The following KLRG1 variants were observed in gnomAD, a reference collection of about 807,000 sequenced individuals.
The protein encoded by KLRG1 is killer cell lectin like receptor G1.
Under a neutral mutation model 21.8 loss-of-function variants are expected in KLRG1, and 16 were observed. The observed-to-expected ratio is 0.73, with a 90% CI of 0.50 to 1.11. The LOEUF is 1.11. Among genes scored for constraint, KLRG1 ranks in the 50% most tolerant of loss-of-function variants. The pLI is 0.00. For synonymous variants in KLRG1, 69 were observed against 75.9 expected (o/e 0.91, Z 0.47); for missense variants, 173 against 218.3 (o/e 0.79, Z 1.31).
chr12:8,999,290 G>A (rs1186666794), intron 3 of KLRG1, among the ~76,000 whole-genome samples: 1 of 152,148 alleles, frequency 6.6e-6, no homozygotes, highest in Non-Finnish European at 1.5e-5. Context: ...TTATTGGTAT[G>A]TTATTTTAAA....
chr12:9,086,937 A>T, the KLRG1 span, among the ~76,000 whole-genome samples: 2 of 152,250 alleles, frequency 1.3e-5, no homozygotes, highest in South Asian at 4.1e-4. Context: ...AATGCAATAA[A>T]GTTGCAAGAT....
chr12:9,124,896 G>T, the KLRG1 span, among the ~76,000 whole-genome samples: 2 of 152,236 alleles, frequency 1.3e-5, no homozygotes, highest in Non-Finnish European at 2.9e-5. Flanking sequence ...CCTAGGACTT[G>T]TGGTGCCTCC....
the KLRG1 span, among the ~76,000 whole-genome samples, chr12:9,096,499 G>C: frequency 1.3e-5 from 2 of 152,136 alleles, no homozygotes; most frequent in Non-Finnish European, 2.9e-5. Context: ...CACAGGACAC[G>C]ATGGCATTTT....
chr12:9,149,317 C>T, the KLRG1 span, among the ~76,000 whole-genome samples: 4 of 152,176 alleles, frequency 2.6e-5, no homozygotes, highest in East Asian at 1.9e-4. Context: ...AGTGAAATGT[C>T]GCTTTTAGAG....
the KLRG1 span, among the ~76,000 whole-genome samples, chr12:9,125,418 C>G: frequency 3.9e-5 from 6 of 152,084 alleles, no homozygotes; most frequent in Non-Finnish European, 8.8e-5. Flanking sequence ...GCCAGAAAAT[C>G]GACACCTCAA....
At chr12:9,152,262 C>G in the KLRG1 span, 1 of 1,613,270 alleles carries the variant, frequency 6.2e-7, no homozygotes, top group Non-Finnish European at 8.5e-7. Flanking sequence ...CAGATACCAT[C>G]TTTACATCAA....
the KLRG1 span, chr12:9,181,920 G>A: frequency 1.7e-5 from 26 of 1,556,948 alleles, no homozygotes; most frequent in Non-Finnish European, 2.2e-5. Context: ...TAAAATAGAT[G>A]GCACCTACAG....
At chr12:8,972,269 T>C (rs1946582503) in intron 1 of KLRG1, among the ~76,000 whole-genome samples, 1 of 152,200 alleles carries the variant, frequency 6.6e-6, no homozygotes, top group African/African-American at 2.4e-5. Flanking sequence ...ACCATTCTCC[T>C]GCCTCAGCCT....
intron 1 of KLRG1, among the ~76,000 whole-genome samples, chr12:8,969,383 T>C (rs1226237884): frequency 6.6e-6 from 1 of 152,148 alleles, no homozygotes. Flanking sequence ...CTCAGTGCAG[T>C]CAGCCGTTCT....
chr12:9,086,835 A>T, the KLRG1 span, among the ~76,000 whole-genome samples: 1 of 152,234 alleles, frequency 6.6e-6, no homozygotes, highest in African/African-American at 2.4e-5. Flanking sequence ...ATTGACAAGG[A>T]AGAAGTAAAA....
chr12:8,992,078 T>A, intron 1 of KLRG1, 128 bp from the exon 2 acceptor site: 1 of 685,234 alleles, frequency 1.5e-6, no homozygotes, highest in African/African-American at 1.8e-5. Context: ...AGAAAAGGAA[T>A]CTTTATGGCC....
At chr12:9,021,028 TG>T in the KLRG1 span, among the ~76,000 whole-genome samples, 2 of 152,158 alleles carry the variant, frequency 1.3e-5, no homozygotes, top group Non-Finnish European at 2.9e-5. Context: ...TGTAACACAA[TG>T]GCAAGTATTT....
chr12:9,194,614 G>A, the KLRG1 span, among the ~76,000 whole-genome samples: 3 of 151,888 alleles, frequency 2.0e-5, no homozygotes, highest in Non-Finnish European at 2.9e-5. Context: ...ACAGGCGCCC[G>A]CCACCCCGCC....
At chr12:9,101,758 C>T in the KLRG1 span, 1 of 1,064,162 alleles carries the variant, frequency 9.4e-7, no homozygotes, top group Non-Finnish European at 1.4e-6. Flanking sequence ...AGTTTACTGT[C>T]CTACCTTAAC....
At chr12:8,968,640 C>T (rs1022227819) in intron 1 of KLRG1, among the ~76,000 whole-genome samples, 6 of 152,034 alleles carry the variant, frequency 3.9e-5, no homozygotes, top group Admixed American at 3.3e-4. Flanking sequence ...ACATTTAGTC[C>T]AACAAATGAA....
At chr12:9,204,051 C>T in the KLRG1 span, 2 of 1,179,586 alleles carry the variant, frequency 1.7e-6, no homozygotes, top group East Asian at 4.8e-5. Context: ...TTGGTGCAAT[C>T]AGTTTTATTC....
At chr12:9,145,761 T>C in the KLRG1 span, among the ~76,000 whole-genome samples, 1 of 152,210 alleles carries the variant, frequency 6.6e-6, no homozygotes, top group Non-Finnish European at 1.5e-5. Flanking sequence ...CTTTCGTTTG[T>C]CTGAGAAAGT....
chr12:9,034,207 G>T, the KLRG1 span, among the ~76,000 whole-genome samples: 4 of 152,198 alleles, frequency 2.6e-5, no homozygotes, highest in African/African-American at 9.7e-5. Flanking sequence ...ATATCCATAA[G>T]ATTATAGCGA....
the KLRG1 span, among the ~76,000 whole-genome samples, chr12:9,017,495 C>A: frequency 6.6e-6 from 1 of 151,980 alleles, no homozygotes; most frequent in Admixed American, 6.6e-5. Context: ...ATCATATCAA[C>A]AGAATGAAGA....
Sources: allele counts gnomAD v4.1 joint callset (sites outside exome capture counted in the v4.1 genomes callset), GRCh38; gene constraint gnomAD v4.1.1; transcripts MANE v1.5; gene names NCBI Gene and HGNC (gene_info 2026-07-23, HGNC 2026-07-21).